HPSE2: variants seen among roughly 807,000 people sequenced by gnomAD.
HPSE2 encodes the protein heparanase 2 (inactive).
HPSE2 carries 38 observed loss-of-function variants against 60.5 expected under a neutral mutation model. The ratio of observed to expected loss-of-function variants is 0.63; its 90% CI spans 0.48 to 0.82. HPSE2 has a LOEUF of 0.82. Among genes scored for constraint, HPSE2 ranks in the 40% least tolerant of loss-of-function variants. HPSE2 has a pLI of 0.00. For synonymous variants in HPSE2, 295 were observed against 293.2 expected, an observed-to-expected ratio of 1.01 and a Z score of -0.06; for missense variants, 713 against 740.4, an observed-to-expected ratio of 0.96 and a Z score of 0.43.
Position 98,823,606 on chromosome 10 carries a change from C to T in HPSE2, c.611-79550G>A, listed in dbSNP as rs141442881. 6.9e-3 allele frequency among the ~76,000 whole-genome samples: 1,047 copies of T among 151,834 alleles called. 6 individuals carry two copies. The highest frequency in any genetic ancestry group is 0.011 in the Non-Finnish European group (728 of 67,980). On this transcript the variant is annotated intron_variant, in intron 3 of 11. Coordinates refer to ENST00000370552, the MANE Select transcript of HPSE2 (RefSeq NM_021828.5). ...ATGCCACTGCACTGCAGCCTGGTGA[C>T]GAAGCAAGACCCCATCTCTAAAAAA...
chr10:99,250,241 G>A, the HPSE2 span, among the ~76,000 whole-genome samples: 11 of 151,362 alleles, frequency 7.3e-5, no homozygotes, highest in African/African-American at 2.7e-4. Context: ...TGCCATAATT[G>A]AAAATTTCCT....
At chr10:98,585,653 A>G (rs1009740677) in intron 9 of HPSE2, among the ~76,000 whole-genome samples, 4 of 151,708 alleles carry the variant, frequency 2.6e-5, no homozygotes, top group African/African-American at 9.7e-5. Flanking sequence ...TGTTTTTGGT[A>G]AGTAAAAACT....
chr10:98,828,827 A>G (rs866868662), intron 3 of HPSE2, among the ~76,000 whole-genome samples: 2 of 152,240 alleles, frequency 1.3e-5, no homozygotes, highest in African/African-American at 4.8e-5. Flanking sequence ...TAGAATTACC[A>G]TATGATCCAG....
At chr10:98,551,841 T>C (rs1451729513) in intron 9 of HPSE2, among the ~76,000 whole-genome samples, 2 of 152,204 alleles carry the variant, frequency 1.3e-5, no homozygotes, top group Non-Finnish European at 2.9e-5. Context: ...CTTGCCTGAA[T>C]ATAAACATCA....
intron 3 of HPSE2, among the ~76,000 whole-genome samples, chr10:98,948,347 T>C (rs1422341850): frequency 6.6e-6 from 1 of 151,940 alleles, no homozygotes; most frequent in African/African-American, 2.4e-5. Flanking sequence ...TTAGAGAAAA[T>C]TCAAATGCTA....
chr10:99,132,910 G>C (rs1445388632), intron 3 of HPSE2, among the ~76,000 whole-genome samples: 2 of 152,146 alleles, frequency 1.3e-5, no homozygotes, highest in Non-Finnish European at 2.9e-5. Context: ...CCCTGGAAAG[G>C]GGTGCTGAAG....
At chr10:99,167,681 G>T (rs972931809) in intron 2 of HPSE2, among the ~76,000 whole-genome samples, 1 of 152,060 alleles carries the variant, frequency 6.6e-6, no homozygotes, top group African/African-American at 2.4e-5. Context: ...ATATTGTCTT[G>T]TCTTACTTTT....
chr10:99,230,638 C>T (rs1480977393), intron 2 of HPSE2, among the ~76,000 whole-genome samples: 4 of 151,978 alleles, frequency 2.6e-5, no homozygotes. Flanking sequence ...CAAATTGTAG[C>T]CTTCATTTTA....
chr10:99,106,130 T>C (rs1844237798), intron 3 of HPSE2, among the ~76,000 whole-genome samples: 1 of 152,150 alleles, frequency 6.6e-6, no homozygotes, highest in African/African-American at 2.4e-5. Flanking sequence ...GAGAAACCTG[T>C]CAATTTCTAC....
intron 3 of HPSE2, among the ~76,000 whole-genome samples, chr10:98,970,254 C>A (rs145842198): frequency 6.6e-6 from 1 of 151,958 alleles, no homozygotes; most frequent in African/African-American, 2.4e-5. Flanking sequence ...TGAGCCACCA[C>A]GCCCGGCCTG....
At chr10:99,004,961 T>A (rs747904163) in intron 3 of HPSE2, among the ~76,000 whole-genome samples, 105 of 152,192 alleles carry the variant, frequency 6.9e-4, no homozygotes, top group Admixed American at 1.1e-3. Context: ...GTACTTTGAA[T>A]ATACCATTCC....
chr10:99,263,855 G>A, the HPSE2 span, among the ~76,000 whole-genome samples: 19 of 151,880 alleles, frequency 1.3e-4, no homozygotes, highest in African/African-American at 2.7e-4. Flanking sequence ...CCTTTCCATC[G>A]TGAAAATCCA....
At chr10:98,547,682 C>T (rs892797693) in intron 9 of HPSE2, among the ~76,000 whole-genome samples, 1 of 149,192 alleles carries the variant, frequency 6.7e-6, no homozygotes, top group Non-Finnish European at 1.5e-5. Flanking sequence ...GGAGGGATGG[C>T]ATTAGGTGAT....
At chr10:98,903,913 A>C (rs1953736952) in intron 3 of HPSE2, among the ~76,000 whole-genome samples, 1 of 152,202 alleles carries the variant, frequency 6.6e-6, no homozygotes, top group South Asian at 2.1e-4. Flanking sequence ...ATGTAGAGTT[A>C]GAAAATTTGG....
Position 98,744,449 on chromosome 10 carries a change from C to A in HPSE2, c.611-393G>T, listed in dbSNP as rs533444441. Among the ~76,000 whole-genome samples, 15 of 152,100 alleles carry A rather than the reference C, an allele frequency of 9.9e-5. No homozygotes were observed. The South Asian group carries it at 2.1e-3, about 21-fold the overall frequency. On this transcript the variant is annotated intron_variant, in intron 3 of 11. Coordinates refer to ENST00000370552, the MANE Select transcript of HPSE2 (RefSeq NM_021828.5). ...GGCTGAGGCAGGAGAATCGCTTGAACCTGGGAAGCTGAGGTTGTGGTGAGC... is the reference window on the plus strand; with the variant it reads ...GGCTGAGGCAGGAGAATCGCTTGAAACTGGGAAGCTGAGGTTGTGGTGAGC...
chr10:98,617,345 G>T (rs1397174648), intron 8 of HPSE2, among the ~76,000 whole-genome samples: 1 of 152,156 alleles, frequency 6.6e-6, no homozygotes, highest in Non-Finnish European at 1.5e-5. Context: ...ATATTTAAAA[G>T]AATCATATCA....
chr10:99,001,823 C>T (rs1956783539), intron 3 of HPSE2, among the ~76,000 whole-genome samples: 1 of 151,980 alleles, frequency 6.6e-6, no homozygotes, highest in Non-Finnish European at 1.5e-5. Context: ...CATCAAGCTA[C>T]AGTACATTAC....
At chr10:98,617,488 T>C (rs1481143235) in intron 8 of HPSE2, among the ~76,000 whole-genome samples, 3 of 152,196 alleles carry the variant, frequency 2.0e-5, no homozygotes, top group Non-Finnish European at 2.9e-5. Flanking sequence ...ATTAAGAATA[T>C]GCATTCTCCC....
At position 98,705,490 on chromosome 10, in the gene HPSE2, A is replaced by G. The variant is rs147938992; in HGVS notation, c.957-11543T>C. On this transcript the variant is annotated intron_variant, in intron 5 of 11. Coordinates refer to ENST00000370552, the MANE Select transcript of HPSE2 (RefSeq NM_021828.5). ...ATTGTAGCACTATTTACAATAGCAA[A>G]GACATGGAACCAACCCAAATGCCCT... Among the ~76,000 whole-genome samples, 911 of 152,318 alleles carry G rather than the reference A, an allele frequency of 6.0e-3. 5 individuals carry two copies. The highest frequency in any genetic ancestry group is 0.021 in the African/African-American group (863 of 41,560).
Sources: allele counts gnomAD v4.1 joint callset (sites outside exome capture counted in the v4.1 genomes callset), GRCh38; gene constraint gnomAD v4.1.1; transcripts MANE v1.5; gene names NCBI Gene and HGNC (gene_info 2026-07-23, HGNC 2026-07-21).